MIDEAS: variants seen among roughly 807,000 people sequenced by gnomAD.
MIDEAS encodes the protein mitotic deacetylase-associated SANT domain protein.
A neutral mutation model predicts 102.7 loss-of-function variants in MIDEAS; 26 were observed. That is an observed-to-expected ratio of 0.25 (90% CI 0.19 to 0.35). The LOEUF is 0.35. MIDEAS is among the 10% of genes least tolerant of loss of function. The pLI, the probability that MIDEAS is intolerant of heterozygous loss-of-function variation, is 1.00. For synonymous variants in MIDEAS, 585 were observed against 591.0 expected, an observed-to-expected ratio of 0.99 and a Z score of 0.15; for missense variants, 1,231 against 1,435.6, an observed-to-expected ratio of 0.86 and a Z score of 2.30.
chr14:73,739,583 G>A lies in MIDEAS; in HGVS notation c.426C>T (p.Tyr142=), dbSNP rs2053256410. ...STWNCHSLSL[Y]SATKGSPHPG... is the part of the protein sequence containing the mutation. ...GATGCGGGCTCCCCTTGGTTGCACT[G>A]TAGAGGGACAGACTGTGGCAGTTCC... The change falls in exon 2 of 13, where the codon TAC becomes TAT. Residue 142 remains tyrosine (Y), a synonymous_variant. Transcript: ENST00000423556. The A allele has an allele frequency of 6.2e-7, 1 of 1,614,018 alleles. No individual in the cohort carries two copies. Among genetic ancestry groups the A allele is most frequent in the Non-Finnish European group, 8.5e-7 (1 of 1,180,000 alleles).
chr14:73,779,433 A>G (rs1357446750), intron 1 of MIDEAS, among the ~76,000 whole-genome samples: 1 of 150,702 alleles, frequency 6.6e-6, no homozygotes, highest in Non-Finnish European at 1.5e-5. Flanking sequence ...TTCCAGAACT[A>G]AAGGAGCAGG....
At chr14:73,788,714 C>A (rs58647952), upstream of MIDEAS, among the ~76,000 whole-genome samples, 1 of 152,170 alleles carries the variant, frequency 6.6e-6, no homozygotes, top group African/African-American at 2.4e-5. Context: ...TCTTACATCA[C>A]GCTATTGTGG....
chr14:73,772,794 A>AGTGTGTGT (rs61402555), intron 1 of MIDEAS, among the ~76,000 whole-genome samples: 11,511 of 135,612 alleles, frequency 0.085, 631 homozygotes, highest in African/African-American at 0.13. Flanking sequence ...TTCAAGTTCT[A>AGTGTGTGT]GTGTGTGTGT....
upstream of MIDEAS, among the ~76,000 whole-genome samples, chr14:73,788,195 C>T (rs1041236884): frequency 8.6e-5 from 13 of 151,212 alleles, no homozygotes; most frequent in African/African-American, 2.7e-4. Context: ...CAGTGAAGGG[C>T]TTTCATAACA....
chr14:73,754,879 A>G (rs2053461711), intron 1 of MIDEAS: 1 of 152,244 alleles, frequency 6.6e-6, no homozygotes, highest in African/African-American at 2.4e-5. Context: ...CTACTGGGAA[A>G]AGCAGGGAAT....
chr14:73,758,910 T>C (rs2053520207), intron 1 of MIDEAS: 1 of 153,602 alleles, frequency 6.5e-6, no homozygotes, highest in Admixed American at 6.5e-5. Flanking sequence ...CTGACACACA[T>C]GGTCCTGCAT....
intron 12 of MIDEAS, 64 bp downstream of exon 12, chr14:73,719,241 A>ACCCCCCCCCCCTCCCCG: frequency 5.7e-6 from 2 of 350,420 alleles, no homozygotes; most frequent in Admixed American, 6.4e-5. Context: ...CCTCCACCCC[A>ACCCCCCCCCCCTCCCCG]CCCCCGCCCC....
intron 1 of MIDEAS, among the ~76,000 whole-genome samples, chr14:73,753,011 C>T (rs2053439234): frequency 6.6e-6 from 1 of 152,174 alleles, no homozygotes; most frequent in South Asian, 2.1e-4. Context: ...CCTTTGATTC[C>T]CCAGAGCTGT....
At chr14:73,744,027 C>G (rs2053317236) in intron 1 of MIDEAS, among the ~76,000 whole-genome samples, 1 of 149,988 alleles carries the variant, frequency 6.7e-6, no homozygotes, top group South Asian at 2.1e-4. Context: ...CACTTACTCT[C>G]TATAGAAGAA....
In MIDEAS at chr14:73,739,075, G is replaced by A; in HGVS notation, c.934C>T (p.Pro312Ser). 1.3e-6 allele frequency: 2 copies of A among 1,577,634 alleles called. No homozygotes were observed. Among genetic ancestry groups the A allele is most frequent in the South Asian group, 1.2e-5 (1 of 84,982 alleles). ...AHHSMAPYPF[P>S]PNPDMNPELR... ...TCTGGGTTCATATCTGGGTTGGGGG[G>A]GAAGGGGTAGGGTGCCATGCTGTGG... The change falls in exon 2 of 13, where the codon CCC (proline) becomes TCC (serine). Residue 312 changes from proline to serine, a missense_variant. Pro to Ser is a moderately conservative substitution (Grantham distance 74). Coordinates refer to ENST00000423556, the MANE Select transcript of MIDEAS (RefSeq NM_001367710.1).
intron 5 of MIDEAS, 100 bp downstream of exon 5, chr14:73,727,358 A>G: frequency 4.8e-6 from 6 of 1,246,228 alleles, no homozygotes; most frequent in Non-Finnish European, 7.0e-6. Context: ...AGCCCTCTGC[A>G]GGCCCCACGG....
intron 1 of MIDEAS, among the ~76,000 whole-genome samples, chr14:73,777,663 C>T (rs556056340): frequency 6.6e-6 from 1 of 152,130 alleles, no homozygotes; most frequent in East Asian, 1.9e-4. Flanking sequence ...GATGCCTACT[C>T]GTTTCTCAGC....
chr14:73,774,562 AG>A (rs2053673422), intron 1 of MIDEAS, among the ~76,000 whole-genome samples: 1 of 151,926 alleles, frequency 6.6e-6, no homozygotes, highest in Non-Finnish European at 1.5e-5. Flanking sequence ...GAGGGCCAGT[AG>A]GAAGAGATGC....
At position 73,725,786 on chromosome 14, in the gene MIDEAS, G is replaced by A. The variant is rs953839222; in HGVS notation, c.2485+247C>T. ...GCTCTCCATGGGTTCCTGTCCTTGT[G>A]GCCTGGGCTTTTTTGCCTGGATGGT... is the stretch of plus-strand genomic sequence containing the variant. On this transcript the variant is annotated intron_variant, in intron 8 of 12. Coordinates refer to ENST00000423556, the MANE Select transcript of MIDEAS (RefSeq NM_001367710.1). The surrounding 1 kb of genome is among the most constrained non-coding windows in gnomAD (Gnocchi z 4.1). Among the ~76,000 whole-genome samples, 1 of 152,144 alleles carries A rather than the reference G, an allele frequency of 6.6e-6. No homozygotes were observed. The highest frequency in any genetic ancestry group is 1.5e-5 in the Non-Finnish European group (1 of 68,026).
intron 1 of MIDEAS, among the ~76,000 whole-genome samples, chr14:73,771,713 G>C (rs2053643987): frequency 6.6e-6 from 1 of 152,258 alleles, no homozygotes; most frequent in Non-Finnish European, 1.5e-5. Flanking sequence ...CGTGGGGTCA[G>C]ACGGCCCTGC....
At chr14:73,779,117 T>TACA (rs1210548270) in intron 1 of MIDEAS, among the ~76,000 whole-genome samples, 3 of 151,878 alleles carry the variant, frequency 2.0e-5, no homozygotes, top group African/African-American at 7.2e-5. Flanking sequence ...CGGGCATGGT[T>TACA]GGCGCATGCC....
chr14:73,781,587 A>G (rs1057378916), intron 1 of MIDEAS, among the ~76,000 whole-genome samples: 3 of 151,932 alleles, frequency 2.0e-5, no homozygotes, highest in Admixed American at 6.6e-5. Context: ...ATACAAAATT[A>G]GCCAGGTGTG....
chr14:73,778,575 T>C lies in MIDEAS; in HGVS notation c.-248+8527A>G, dbSNP rs2140175910. The stretch of plus-strand genomic sequence containing the variant: ...GAGTGGCTATTGGCTTCTAAGTTGT[T>C]CCAGAGCATGTGCTATGGGGAGGCC... On this transcript the variant is annotated intron_variant, in intron 1 of 11. Coordinates refer to the MIDEAS transcript ENST00000394071. Among the ~76,000 whole-genome samples, 3 of 151,980 alleles carry C rather than the reference T, an allele frequency of 2.0e-5. 1 individual carries two copies. In the Middle Eastern group the frequency reaches 0.01, roughly 520 times the overall value.
Position 73,739,525 on chromosome 14 carries a change from G to T in MIDEAS, c.484C>A (p.Pro162Thr), listed in dbSNP as rs150679596. 4.5e-5 allele frequency: 72 copies of T among 1,614,008 alleles called. No homozygotes were observed. Among genetic ancestry groups the T allele is most frequent in the Admixed American group, 1.2e-4 (7 of 59,994 alleles). The change falls in exon 2 of 13, where the codon CCT becomes ACT. Residue 162 changes from proline (P) to threonine (T), a missense_variant. Transcript: ENST00000423556. ...GCTTTCTCCCGCTTCAGTGCCTCAG[G>T]GTGGTTATAGTAAGTCGGGACTCCC... ...GVGVPTYYNH[P>T]EALKREKAGG...
Sources: gnomAD v4.1 joint callset for allele counts (sites outside exome capture counted in the v4.1 genomes callset) on GRCh38, gnomAD v4.1.1 for gene constraint, Gnocchi (gnomAD v3.1) non-coding constraint, MANE v1.5 for transcripts, NCBI Gene and HGNC (gene_info 2026-07-23, HGNC 2026-07-21) for gene names.